The following CADM2 variants were observed in gnomAD, a reference collection of about 807,000 sequenced individuals.
CADM2 encodes immunoglobulin superfamily member 4D.
Under a neutral mutation model 49.8 loss-of-function variants are expected in CADM2, and 12 were observed. The observed-to-expected ratio is 0.24, with a 90% CI of 0.15 to 0.39. The LOEUF is 0.39. Ranked by LOEUF, CADM2 falls within the 10% of genes least tolerant of loss-of-function variation. The probability of loss-of-function intolerance (pLI) is 1.00; values close to 1 mark genes in which losing one functional copy is unlikely to be tolerated. For missense variants in CADM2, 378 were observed against 492.3 expected (o/e 0.77, Z 2.20); for synonymous variants, 214 against 175.4 (o/e 1.22, Z -1.74).
At chr3:85,328,459 A>T (rs1262939326) in intron 1 of CADM2, among the ~76,000 whole-genome samples, 1 of 152,190 alleles carries the variant, frequency 6.6e-6, no homozygotes, top group Non-Finnish European at 1.5e-5. Context: ...GGATTTTCTG[A>T]TGCTAATTGG....
intron 7 of CADM2, among the ~76,000 whole-genome samples, chr3:85,960,247 A>T (rs757186057): frequency 4.6e-5 from 7 of 152,068 alleles, no homozygotes; most frequent in Non-Finnish European, 1.0e-4. Flanking sequence ...AATGGTATAT[A>T]TCCTTCCTCT....
chr3:85,688,564 C>CT (rs71112107), intron 1 of CADM2, among the ~76,000 whole-genome samples: 47,626 of 135,376 alleles, frequency 0.35, 9,062 homozygotes, highest in African/African-American at 0.49. Flanking sequence ...TTTATTTATT[C>CT]TTTTTTTTTT....
At chr3:85,228,852 G>A (rs1028025089) in intron 1 of CADM2, among the ~76,000 whole-genome samples, 1 of 152,140 alleles carries the variant, frequency 6.6e-6, no homozygotes, top group African/African-American at 2.4e-5. Context: ...TGAACACTGT[G>A]CTGGGAGAAC....
At chr3:85,879,678 T>G (rs1712449198) in intron 3 of CADM2, among the ~76,000 whole-genome samples, 1 of 152,192 alleles carries the variant, frequency 6.6e-6, no homozygotes, top group South Asian at 2.1e-4. Flanking sequence ...TCAATTTTTT[T>G]GTAGATTTAT....
At chr3:85,938,213 G>C (rs565707027) in intron 7 of CADM2, among the ~76,000 whole-genome samples, 1 of 151,954 alleles carries the variant, frequency 6.6e-6, no homozygotes, top group South Asian at 2.1e-4. Context: ...CCTTTCTGTA[G>C]TTTATATACT....
chr3:86,038,599 A>G (rs1735460635), intron 8 of CADM2, among the ~76,000 whole-genome samples: 1 of 152,228 alleles, frequency 6.6e-6, no homozygotes, highest in Admixed American at 6.5e-5. Flanking sequence ...TTTGGTGTCC[A>G]AACCATCTTC....
At chr3:85,014,829 C>T (rs1489361153) in intron 1 of CADM2, among the ~76,000 whole-genome samples, 3 of 152,092 alleles carry the variant, frequency 2.0e-5, no homozygotes, top group Admixed American at 6.6e-5. Flanking sequence ...ATTATGCTTT[C>T]GGGCACGCAA....
At chr3:85,075,218 GT>G (rs952693741) in intron 1 of CADM2, among the ~76,000 whole-genome samples, 2 of 151,026 alleles carry the variant, frequency 1.3e-5, no homozygotes, top group African/African-American at 2.4e-5. Context: ...GGCCTAAGCA[GT>G]TTTTTTGTTT....
At position 85,806,883 on chromosome 3, in the gene CADM2, G is replaced by A. The variant is rs946812707; in HGVS notation, c.238+4687G>A. On this transcript the variant is annotated intron_variant, in intron 3 of 9. Coordinates refer to ENST00000383699, the MANE Select transcript of CADM2 (RefSeq NM_001167675.2). Reference sequence around the variant, plus strand: ...TTTCTCACTGAGGTAAAATAAAGACGAAGGCAGCAAATTCAAGCTTTTACA... The same window carrying A: ...TTTCTCACTGAGGTAAAATAAAGACAAAGGCAGCAAATTCAAGCTTTTACA... Among the ~76,000 whole-genome samples, 14 of 152,154 alleles carry A rather than the reference G, an allele frequency of 9.2e-5. 1 individual carries two copies. Among genetic ancestry groups the A allele is most frequent in the African/African-American group, 3.1e-4 (13 of 41,442 alleles).
intron 8 of CADM2, among the ~76,000 whole-genome samples, chr3:85,998,579 T>C (rs1577904261): frequency 6.6e-6 from 1 of 152,154 alleles, no homozygotes; most frequent in Non-Finnish European, 1.5e-5. Context: ...TGATTGAATA[T>C]TCAGTATTAT....
intron 1 of CADM2, among the ~76,000 whole-genome samples, chr3:85,229,620 A>G (rs1021217479): frequency 1.3e-5 from 2 of 152,178 alleles, no homozygotes; most frequent in African/African-American, 4.8e-5. Flanking sequence ...AAGGCAAAAA[A>G]TCCTTTAAAA....
intron 1 of CADM2, among the ~76,000 whole-genome samples, chr3:85,602,426 A>C (rs983239815): frequency 6.6e-6 from 1 of 151,664 alleles, no homozygotes; most frequent in Non-Finnish European, 1.5e-5. Flanking sequence ...AAAGATTACG[A>C]CTCTTCACCC....
At chr3:85,568,175 C>T (rs146144217) in intron 1 of CADM2, among the ~76,000 whole-genome samples, 112 of 152,294 alleles carry the variant, frequency 7.4e-4, no homozygotes, top group Admixed American at 3.1e-3. Context: ...AGAGGGGGAA[C>T]GCTGTGGGCA....
intron 2 of CADM2, among the ~76,000 whole-genome samples, chr3:85,766,455 C>T (rs551649924): frequency 1.2e-4 from 19 of 152,252 alleles, no homozygotes; most frequent in Admixed American, 6.5e-4. Context: ...TCTAAAAATT[C>T]GTTGGCTAAA....
intron 1 of CADM2, among the ~76,000 whole-genome samples, chr3:85,599,345 A>G (rs2063332787): frequency 6.6e-6 from 1 of 152,004 alleles, no homozygotes; most frequent in Admixed American, 6.6e-5. Flanking sequence ...GATGGTCGGA[A>G]TTACAGTCTT....
chr3:85,412,016 C>A (rs2035678598), intron 1 of CADM2, among the ~76,000 whole-genome samples: 4 of 151,992 alleles, frequency 2.6e-5, no homozygotes, highest in Admixed American at 2.6e-4. Flanking sequence ...TCAGTAGAGA[C>A]CAGGTTTAGC....
At chr3:85,892,182 T>A (rs1212260977) in intron 5 of CADM2, among the ~76,000 whole-genome samples, 1 of 152,142 alleles carries the variant, frequency 6.6e-6, no homozygotes, top group East Asian at 1.9e-4. Context: ...ACAATGGAAT[T>A]TTTTACAAAG....
At chr3:85,535,356 G>T (rs950048011) in intron 1 of CADM2, among the ~76,000 whole-genome samples, 1 of 152,098 alleles carries the variant, frequency 6.6e-6, no homozygotes, top group African/African-American at 2.4e-5. Flanking sequence ...GGAACTCTCT[G>T]TTTCCAACGC....
intron 1 of CADM2, among the ~76,000 whole-genome samples, chr3:85,706,440 G>A (rs996018561): frequency 3.9e-5 from 6 of 151,926 alleles, no homozygotes; most frequent in African/African-American, 1.5e-4. Flanking sequence ...CTATATCCCC[G>A]CCCCTTGGCT....
Sources: allele counts gnomAD v4.1 joint callset (sites outside exome capture counted in the v4.1 genomes callset), GRCh38; gene constraint gnomAD v4.1.1; transcripts MANE v1.5; gene names NCBI Gene and HGNC (gene_info 2026-07-23, HGNC 2026-07-21).